Variants in PTCSC3 observed in about 807,000 individuals in gnomAD.
PTCSC3 encodes the protein papillary thyroid carcinoma susceptibility candidate 3, also known as papillary thyroid carcinoma susceptibility candidate 3 (non-protein coding).
intron 3 of PTCSC3, among the ~76,000 whole-genome samples, chr14:36,146,041 C>T (rs1379775141): frequency 1.2e-4 from 18 of 150,980 alleles, no homozygotes; most frequent in Admixed American, 2.6e-4. Context: ...TTGTTATAAT[C>T]TCTGTTCTTT....
chr14:36,156,882 A>G (rs1423866808), intron 2 of PTCSC3, among the ~76,000 whole-genome samples: 1 of 152,146 alleles, frequency 6.6e-6, no homozygotes, highest in Non-Finnish European at 1.5e-5. Context: ...ATGCATGTAC[A>G]TGTGTCTTTA....
intron 3 of PTCSC3, among the ~76,000 whole-genome samples, chr14:36,141,460 T>C (rs1235128851): frequency 6.6e-6 from 1 of 151,986 alleles, no homozygotes; most frequent in Non-Finnish European, 1.5e-5. Flanking sequence ...TATAGATATA[T>C]ATATCTATAA....
intron 3 of PTCSC3, among the ~76,000 whole-genome samples, chr14:36,140,147 C>A (rs980837330): frequency 1.3e-5 from 2 of 152,186 alleles, no homozygotes; most frequent in Admixed American, 1.3e-4. Context: ...TCCTCTGTAT[C>A]TTTTAATGGC....
At chr14:36,163,600 G>T (rs879549300) in intron 1 of PTCSC3, among the ~76,000 whole-genome samples, 10 of 152,178 alleles carry the variant, frequency 6.6e-5, no homozygotes, top group Admixed American at 2.0e-4. Context: ...TTTAGAACCC[G>T]ATTTTACAGG....
chr14:36,159,809 C>T (rs1881914345), intron 2 of PTCSC3, among the ~76,000 whole-genome samples: 1 of 150,934 alleles, frequency 6.6e-6, no homozygotes, highest in Non-Finnish European at 1.5e-5. Flanking sequence ...GTTAATATTC[C>T]TGTCTAATAT....
rs1042299244 is a variant in PTCSC3, at chr14:36,145,823, A to G, written n.322+7981T>C. Reference sequence around the variant, plus strand: ...TAGTGCTATAAATTTCCCTCTGCACACTGCTTTGAATGCGTCCCAGAGATT... The same window carrying G: ...TAGTGCTATAAATTTCCCTCTGCACGCTGCTTTGAATGCGTCCCAGAGATT... On this transcript the variant is annotated intron_variant and non_coding_transcript_variant, in intron 3 of 3. Transcript: ENST00000556013. Among the ~76,000 whole-genome samples, 415 of 148,858 alleles carry G rather than the reference A, an allele frequency of 2.8e-3. 2 individuals are homozygous for G. The highest frequency in any genetic ancestry group is 4.9e-3 in the Non-Finnish European group (328 of 66,622).
intron 3 of PTCSC3, among the ~76,000 whole-genome samples, chr14:36,143,600 C>T (rs1217286085): frequency 2.7e-5 from 4 of 147,844 alleles, no homozygotes; most frequent in Non-Finnish European, 3.0e-5. Context: ...TTCTCCCATT[C>T]TGTAGGTTGC....
downstream of PTCSC3, among the ~76,000 whole-genome samples, chr14:36,135,746 A>T (rs1027606029): frequency 6.6e-6 from 1 of 152,170 alleles, no homozygotes; most frequent in African/African-American, 2.4e-5. Context: ...GAAGTCTTTT[A>T]AAAAGTCTTA....
At chr14:36,165,722 CTT>C (rs71448056) in intron 1 of PTCSC3, among the ~76,000 whole-genome samples, 18,165 of 124,738 alleles carry the variant, frequency 0.15, 1,003 homozygotes, top group Admixed American at 0.2. Flanking sequence ...TTTATTTTTC[CTT>C]TTTTTTTTTT....
chr14:36,153,196 T>A (rs1026568095), intron 3 of PTCSC3, among the ~76,000 whole-genome samples: 4 of 152,326 alleles, frequency 2.6e-5, no homozygotes, highest in South Asian at 2.1e-4. Flanking sequence ...TCTCTTCTTA[T>A]AAAGGCACTA....
At chr14:36,160,798 G>A (rs1040471749) in intron 2 of PTCSC3, among the ~76,000 whole-genome samples, 39 of 152,152 alleles carry the variant, frequency 2.6e-4, no homozygotes, top group Non-Finnish European at 4.4e-4. Context: ...AGTTCTCCTG[G>A]ATAATATCCT....
intron 3 of PTCSC3, among the ~76,000 whole-genome samples, chr14:36,149,608 C>G (rs965986951): frequency 2.0e-5 from 3 of 152,168 alleles, no homozygotes; most frequent in Admixed American, 1.3e-4. Flanking sequence ...TCTACTTTGC[C>G]TTATACTTCT....
At chr14:36,171,688 T>G (rs1882196472) in intron 1 of PTCSC3, among the ~76,000 whole-genome samples, 1 of 152,028 alleles carries the variant, frequency 6.6e-6, no homozygotes, top group African/African-American at 2.4e-5. Flanking sequence ...CGGGGGAAAA[T>G]AACTATCAAA....
At chr14:36,152,502 G>A (rs1390594074) in intron 3 of PTCSC3, among the ~76,000 whole-genome samples, 1 of 151,838 alleles carries the variant, frequency 6.6e-6, no homozygotes, top group Non-Finnish European at 1.5e-5. Context: ...AAACCACAGA[G>A]TAGGTAAAGA....
At chr14:36,162,278 A>AAAAAAAC (rs1881979667) in intron 2 of PTCSC3, among the ~76,000 whole-genome samples, 1 of 110,372 alleles carries the variant, frequency 9.1e-6, no homozygotes, top group Non-Finnish European at 2.2e-5. Flanking sequence ...AAAAAAAAAA[A>AAAAAAAC]AAAAAAACTC....
intron 1 of PTCSC3, among the ~76,000 whole-genome samples, chr14:36,173,439 A>G (rs1327782155): frequency 1.3e-5 from 2 of 152,140 alleles, no homozygotes; most frequent in Admixed American, 6.5e-5. Flanking sequence ...GTTCACATTC[A>G]ATGCTGAATT....
At chr14:36,154,791 G>T (rs914870293) in intron 2 of PTCSC3, among the ~76,000 whole-genome samples, 1 of 152,082 alleles carries the variant, frequency 6.6e-6, no homozygotes, top group Non-Finnish European at 1.5e-5. Context: ...TTAGGATTGG[G>T]TTCCCTTTGG....
intron 2 of PTCSC3, among the ~76,000 whole-genome samples, chr14:36,159,428 G>A (rs1431211370): frequency 1.3e-5 from 2 of 152,182 alleles, no homozygotes; most frequent in Non-Finnish European, 2.9e-5. Flanking sequence ...CTGTGTCCCA[G>A]AGATTCTGGT....
At chr14:36,167,501 C>T (rs1030365236) in intron 1 of PTCSC3, among the ~76,000 whole-genome samples, 5 of 152,152 alleles carry the variant, frequency 3.3e-5, no homozygotes, top group African/African-American at 9.7e-5. Context: ...AGGTTGGCTT[C>T]GATAGTCATG....
Sources: gnomAD v4.1 joint callset for allele counts (sites outside exome capture counted in the v4.1 genomes callset) on GRCh38, gnomAD v4.1.1 for gene constraint, MANE v1.5 for transcripts, NCBI Gene and HGNC (gene_info 2026-07-23, HGNC 2026-07-21) for gene names.